IRAG2: variants seen among roughly 807,000 people sequenced by gnomAD.
The protein encoded by IRAG2 is lymphoid restricted membrane protein.
Under a neutral mutation model 69.9 loss-of-function variants are expected in IRAG2, and 45 were observed. That is an observed-to-expected ratio of 0.64 (90% CI 0.51 to 0.83). The LOEUF (loss-of-function observed/expected upper bound fraction) is 0.83, where lower values mean the gene tolerates loss of function less well. IRAG2 is among the 40% of genes least tolerant of loss of function. The probability of loss-of-function intolerance (pLI) is 0.00; values close to 1 mark genes in which losing one functional copy is unlikely to be tolerated. For missense variants in IRAG2, 520 were observed against 587.0 expected (o/e 0.89, Z 1.18); for synonymous variants, 193 against 202.4 (o/e 0.95, Z 0.40).
intron 18 of IRAG2, 40 bp from the exon 19 acceptor site, chr12:25,103,969 T>C (rs374596845): frequency 6.1e-5 from 98 of 1,604,924 alleles, no homozygotes; most frequent in Non-Finnish European, 8.0e-5. Context: ...TATAAACGTA[T>C]ATTTTATCAT....
intron 20 of IRAG2, among the ~76,000 whole-genome samples, chr12:25,106,656 A>G (rs1460615255): frequency 7.0e-6 from 1 of 142,924 alleles, no homozygotes; most frequent in East Asian, 2.0e-4. Context: ...TTTTGTATAT[A>G]CTTGGCTAAT....
chr12:25,051,731 C>T (rs1460037098), upstream of IRAG2, among the ~76,000 whole-genome samples: 1 of 152,192 alleles, frequency 6.6e-6, no homozygotes, highest in Non-Finnish European at 1.5e-5. Flanking sequence ...TTCCTGTGCT[C>T]GTGGCACGTG....
chr12:25,027,742 A>C (rs1205893427), intron 9 of IRAG2, among the ~76,000 whole-genome samples: 1 of 151,984 alleles, frequency 6.6e-6, no homozygotes, highest in Non-Finnish European at 1.5e-5. Flanking sequence ...TGGATATATC[A>C]AATTTTGTTT....
upstream of IRAG2, among the ~76,000 whole-genome samples, chr12:25,003,407 G>A (rs566634379): frequency 3.9e-5 from 6 of 151,914 alleles, no homozygotes; most frequent in Non-Finnish European, 7.4e-5. Context: ...AGTACCTGTG[G>A]TGACACCTTC....
intron 6 of IRAG2, among the ~76,000 whole-genome samples, chr12:25,070,819 AG>A (rs1244325318): frequency 6.6e-6 from 1 of 152,158 alleles, no homozygotes; most frequent in African/African-American, 2.4e-5. Flanking sequence ...TTTTTATTAA[AG>A]CCATCTTTGT....
intron 16 of IRAG2, among the ~76,000 whole-genome samples, chr12:25,040,784 C>T (rs867551106): frequency 7.9e-5 from 12 of 152,260 alleles, no homozygotes; most frequent in South Asian, 2.1e-4. Context: ...TTGATTCGTA[C>T]GACATCCGTC....
chr12:25,003,890 G>T (rs1245090552), upstream of IRAG2, among the ~76,000 whole-genome samples: 1 of 152,194 alleles, frequency 6.6e-6, no homozygotes, highest in Non-Finnish European at 1.5e-5. Flanking sequence ...TAGCATCATT[G>T]TCACCTGCCC....
rs750850736 is a variant in IRAG2, at chr12:25,107,872, A to G, written c.1312A>G (p.Asn438Asp). ...TNLKSSIRKA[N>D]KALWLSIAFI... ...TCTCAAGTCCTCCATCAGAAAGGCT[A>G]ATAAGGCCCTCTGGCTCTCTATTGC... The change falls in exon 22 of 22, where the codon AAT (asparagine) becomes GAT (aspartate). Residue 438 changes from asparagine to aspartate, a missense_variant. Transcript: ENST00000556887. 2.5e-6 allele frequency: 4 copies of G among 1,614,142 alleles called. No homozygotes were observed. Among genetic ancestry groups the G allele is most frequent in the African/African-American group, 1.3e-5 (1 of 75,062 alleles).
intron 16 of IRAG2, among the ~76,000 whole-genome samples, chr12:25,041,021 G>C (rs1400524025): frequency 1.3e-5 from 2 of 152,224 alleles, no homozygotes; most frequent in Non-Finnish European, 2.9e-5. Context: ...AGCCAGGAAA[G>C]TCCTGCCTGA....
At chr12:25,031,680 T>G (rs904814022) in intron 10 of IRAG2, among the ~76,000 whole-genome samples, 10 of 152,132 alleles carry the variant, frequency 6.6e-5, no homozygotes, top group African/African-American at 2.2e-4. Context: ...GTTTTGTTTT[T>G]TTGTTTTGTT....
At chr12:25,066,669 T>C (rs936120279) in intron 5 of IRAG2, among the ~76,000 whole-genome samples, 157 bp downstream of exon 5, 13 of 151,578 alleles carry the variant, frequency 8.6e-5, no homozygotes, top group African/African-American at 2.2e-4. Context: ...TTCTTTCTTT[T>C]TTTTTTTTTT....
At chr12:25,071,169 A>G (rs2140036085) in intron 6 of IRAG2, among the ~76,000 whole-genome samples, 1 of 152,220 alleles carries the variant, frequency 6.6e-6, no homozygotes, top group Non-Finnish European at 1.5e-5. Flanking sequence ...AACCTGGCCA[A>G]TATGGTGAAA....
intron 14 of IRAG2, 26 bp from the exon 15 acceptor site, chr12:25,096,884 C>A (rs1315133290): frequency 2.0e-5 from 32 of 1,586,904 alleles, no homozygotes; most frequent in Non-Finnish European, 2.5e-5. Context: ...TGTTAGATAT[C>A]TTTTAATATG....
At chr12:25,015,116 A>AT in intron 3 of IRAG2, 1 of 411,998 alleles carries the variant, frequency 2.4e-6, no homozygotes, top group Non-Finnish European at 3.4e-6. Context: ...AAAAAAAGAC[A>AT]AAACTTGGTC....
chr12:25,017,416 GTT>G, intron 6 of IRAG2: 1 of 939,792 alleles, frequency 1.1e-6, no homozygotes, highest in Non-Finnish European at 1.4e-6. Flanking sequence ...ACAATTCAGT[GTT>G]TTTAGAGTAT....
chr12:25,065,489 T>A (rs1945920475), intron 4 of IRAG2, among the ~76,000 whole-genome samples: 1 of 152,238 alleles, frequency 6.6e-6, no homozygotes, highest in Non-Finnish European at 1.5e-5. Flanking sequence ...CTCAACCTAT[T>A]TCCCCTACCA....
chr12:25,040,319 G>A (rs904446933), intron 16 of IRAG2, among the ~76,000 whole-genome samples: 2 of 152,188 alleles, frequency 1.3e-5, no homozygotes, highest in African/African-American at 4.8e-5. Flanking sequence ...ACCTGCCTGG[G>A]CAACATAGCG....
At chr12:25,003,304 C>A (rs1944405926), upstream of IRAG2, among the ~76,000 whole-genome samples, 1 of 152,106 alleles carries the variant, frequency 6.6e-6, no homozygotes. Flanking sequence ...ACTATTGAAA[C>A]TATTTTAACC....
At chr12:25,045,231 T>C (rs1384814054) in intron 16 of IRAG2, among the ~76,000 whole-genome samples, 1 of 151,966 alleles carries the variant, frequency 6.6e-6, no homozygotes, top group African/African-American at 2.4e-5. Context: ...CCAAAATCTT[T>C]GGGATGTAGA....
Sources: gnomAD v4.1 joint callset for allele counts (sites outside exome capture counted in the v4.1 genomes callset) on GRCh38, gnomAD v4.1.1 for gene constraint, MANE v1.5 for transcripts, NCBI Gene and HGNC (gene_info 2026-07-23, HGNC 2026-07-21) for gene names.